NTM: variants seen among roughly 807,000 people sequenced by gnomAD.
The protein encoded by NTM is IgLON family member 2.
Under a neutral mutation model 42.1 loss-of-function variants are expected in NTM, and 13 were observed. The ratio of observed to expected loss-of-function variants is 0.31; its 90% confidence interval spans 0.20 to 0.49. The LOEUF is 0.49. NTM is among the 20% of genes least tolerant of loss of function. NTM has a pLI of 0.99. For synonymous variants in NTM, 187 were observed against 179.2 expected (o/e 1.04, Z -0.35); for missense variants, 373 against 452.8 (o/e 0.82, Z 1.60).
intron 4 of NTM, among the ~76,000 whole-genome samples, chr11:132,222,607 C>T (rs958820035): frequency 2.0e-5 from 3 of 152,158 alleles, no homozygotes; most frequent in Non-Finnish European, 2.9e-5. Flanking sequence ...CCCCAGTCTG[C>T]CACCTGGCTC....
rs2137787810 is a variant in NTM, at chr11:131,904,965, G to A, written c.83-6599G>A. On this transcript the variant is annotated intron_variant, in intron 1 of 8. Coordinates refer to ENST00000683400, the MANE Select transcript of NTM (RefSeq NM_001352005.2). ...GTCCGCCTTATGCTGTGAACTCTAA[G>A]AGCATTCCCAGGGCCTGCACTCAGC... Among the ~76,000 whole-genome samples the A allele has an allele frequency of 1.3e-5, 2 of 152,264 alleles. 1 individual carries two copies. The highest frequency in any genetic ancestry group is 3.9e-4 in the East Asian group (2 of 5,170).
intron 1 of NTM, among the ~76,000 whole-genome samples, chr11:131,665,047 A>G (rs1010646297): frequency 1.2e-4 from 18 of 152,056 alleles, no homozygotes; most frequent in Non-Finnish European, 2.5e-4. Context: ...CTTAGGGAGA[A>G]CCGTGCTCTA....
chr11:132,103,022 G>A (rs945570954), intron 2 of NTM, among the ~76,000 whole-genome samples: 4 of 152,242 alleles, frequency 2.6e-5, no homozygotes, highest in African/African-American at 9.6e-5. Context: ...GGAGCCTGTG[G>A]CATCTACATT....
chr11:132,174,674 C>T (rs913161751), intron 3 of NTM, among the ~76,000 whole-genome samples: 1 of 152,060 alleles, frequency 6.6e-6, no homozygotes, highest in African/African-American at 2.4e-5. Flanking sequence ...CCTTTCCTTT[C>T]TCTTTCTGGC....
At chr11:131,987,063 T>A (rs1206316637) in intron 2 of NTM, among the ~76,000 whole-genome samples, 1 of 152,194 alleles carries the variant, frequency 6.6e-6, no homozygotes, top group East Asian at 1.9e-4. Context: ...ATTATTTCAT[T>A]TATTTTAACC....
chr11:132,322,095 C>G (rs144199973), intron 7 of NTM, among the ~76,000 whole-genome samples: 1 of 152,012 alleles, frequency 6.6e-6, no homozygotes, highest in Non-Finnish European at 1.5e-5. Flanking sequence ...TAAAGACCAT[C>G]GAGACTAGGA....
intron 2 of NTM, among the ~76,000 whole-genome samples, chr11:131,973,890 C>T (rs1422626023): frequency 6.6e-6 from 1 of 152,150 alleles, no homozygotes; most frequent in Non-Finnish European, 1.5e-5. Flanking sequence ...TGGGCTTGGA[C>T]TGTGTGGTTC....
At chr11:131,485,745 C>T (rs539776594) in intron 1 of NTM, among the ~76,000 whole-genome samples, 3 of 152,258 alleles carry the variant, frequency 2.0e-5, no homozygotes, top group East Asian at 3.9e-4. Flanking sequence ...GAAACTGGGA[C>T]TTAATTTATG....
rs115409497 is a variant in NTM, at chr11:132,163,588, A to G, written c.400+17074A>G. 5.3e-3 allele frequency among the ~76,000 whole-genome samples: 810 copies of G among 152,350 alleles called. 9 individuals are homozygous for G. Among genetic ancestry groups the G allele is most frequent in the African/African-American group, 0.019 (775 of 41,580 alleles). ...AACCCAAGGAAGGTTGCACATTGGT[A>G]AGTGGCAGAGCCAGAGTTTGAATTC... is the stretch of plus-strand genomic sequence containing the variant. On this transcript the variant is annotated intron_variant, in intron 3 of 8. Coordinates refer to ENST00000683400, the MANE Select transcript of NTM (RefSeq NM_001352005.2).
chr11:132,199,630 C>T (rs1443801597), intron 3 of NTM, among the ~76,000 whole-genome samples: 2 of 152,088 alleles, frequency 1.3e-5, no homozygotes, highest in Non-Finnish European at 2.9e-5. Context: ...TCAAGATTCA[C>T]TGACATCCTG....
chr11:131,565,850 C>T (rs59012890), intron 1 of NTM, among the ~76,000 whole-genome samples: 2,327 of 152,186 alleles, frequency 0.015, 58 homozygotes, highest in African/African-American at 0.052. Flanking sequence ...CTCAGTTGCC[C>T]GTCTTTTGCC....
intron 1 of NTM, among the ~76,000 whole-genome samples, chr11:131,479,472 G>A (rs1362658680): frequency 1.3e-5 from 2 of 152,188 alleles, no homozygotes; most frequent in Admixed American, 1.3e-4. Flanking sequence ...TGGTGAGAAA[G>A]GAGATTGCAG....
At chr11:131,476,096 C>T (rs1013360546) in intron 1 of NTM, among the ~76,000 whole-genome samples, 5 of 151,924 alleles carry the variant, frequency 3.3e-5, no homozygotes, top group African/African-American at 1.2e-4. Flanking sequence ...GGGAGGAAAG[C>T]CTGTGTATTC....
chr11:131,891,004 G>T (rs960637172), intron 1 of NTM, among the ~76,000 whole-genome samples: 1 of 152,128 alleles, frequency 6.6e-6, no homozygotes, highest in South Asian at 2.1e-4. Context: ...GAGAATGTGC[G>T]AATTTGTTTA....
At chr11:131,878,538 C>T (rs1398407473) in intron 1 of NTM, among the ~76,000 whole-genome samples, 1 of 130,890 alleles carries the variant, frequency 7.6e-6, no homozygotes, top group East Asian at 2.2e-4. Flanking sequence ...CCGCTGCACT[C>T]CAGCCTAGGT....
At chr11:132,061,827 ATG>A (rs1345524309) in intron 2 of NTM, among the ~76,000 whole-genome samples, 1 of 152,074 alleles carries the variant, frequency 6.6e-6, no homozygotes, top group Non-Finnish European at 1.5e-5. Flanking sequence ...ATTATTCTGT[ATG>A]TCACCAAGCA....
At chr11:131,714,203 T>C (rs2077452299) in intron 1 of NTM, among the ~76,000 whole-genome samples, 1 of 151,946 alleles carries the variant, frequency 6.6e-6, no homozygotes. Flanking sequence ...TATTTATTTA[T>C]TTTAAGACAG....
intron 2 of NTM, among the ~76,000 whole-genome samples, chr11:131,953,040 T>C (rs7950312): frequency 0.035 from 5,299 of 152,176 alleles, 318 homozygotes; most frequent in African/African-American, 0.12. Flanking sequence ...ATTTTGAAAA[T>C]TCAGAAGGTA....
intron 2 of NTM, among the ~76,000 whole-genome samples, chr11:132,007,069 G>A (rs1323639106): frequency 6.6e-6 from 1 of 152,178 alleles, no homozygotes; most frequent in Non-Finnish European, 1.5e-5. Context: ...CCCACTGGGG[G>A]TTCCTGAGTG....
Sources: allele counts gnomAD v4.1 joint callset (sites outside exome capture counted in the v4.1 genomes callset), GRCh38; gene constraint gnomAD v4.1.1; transcripts MANE v1.5; gene names NCBI Gene and HGNC (gene_info 2026-07-23, HGNC 2026-07-21).